TMEM74: variants seen among roughly 807,000 people sequenced by gnomAD.
The protein encoded by TMEM74 is transmembrane protein 74.
In TMEM74, 13 loss-of-function variants were observed where a neutral mutation model predicts 18.1. The ratio of observed to expected loss-of-function variants is 0.72; its 90% CI spans 0.47 to 1.14. The LOEUF is 1.14. TMEM74 is among the 50% of genes most tolerant of loss of function. The pLI is 0.00. For missense variants in TMEM74, 372 were observed against 375.9 expected (o/e 0.99, Z 0.09); for synonymous variants, 159 against 146.6 (o/e 1.08, Z -0.61).
chr8:108,617,766 G>A (rs967624197), intron 2 of TMEM74, among the ~76,000 whole-genome samples: 3 of 152,090 alleles, frequency 2.0e-5, no homozygotes, highest in Non-Finnish European at 4.4e-5. Context: ...GTCTTGGAAA[G>A]AGGAGGAAAA....
In TMEM74 at chr8:108,725,797, TATTA is replaced by T. The variant is rs370326009; in HGVS notation, n.119+61675_119+61678del. On this transcript the variant is annotated intron_variant and non_coding_transcript_variant, in intron 1 of 3. Transcript: ENST00000518838. ...AAACATGTTATAGGGGCAAAGATTA[TATTA>T]ATTAATCAGGATATGTGTTATTGCA... Among the ~76,000 whole-genome samples the T allele has an allele frequency of 1.9e-3, 294 of 152,332 alleles. 2 individuals carry two copies. The highest frequency in any genetic ancestry group is 6.3e-3 in the African/African-American group (264 of 41,588).
chr8:108,656,710 T>A (rs190400413), intron 1 of TMEM74, among the ~76,000 whole-genome samples: 4 of 152,320 alleles, frequency 2.6e-5, no homozygotes, highest in Admixed American at 2.6e-4. Context: ...AGCTTAGAAT[T>A]CCTGTGGTCA....
intron 1 of TMEM74, among the ~76,000 whole-genome samples, chr8:108,667,447 T>C (rs868223003): frequency 8.5e-5 from 13 of 152,132 alleles, no homozygotes; most frequent in African/African-American, 3.1e-4. Flanking sequence ...TTTTGATGAG[T>C]CACTCTTTTT....
At chr8:108,732,452 CAAAA>C (rs1335080052) in intron 1 of TMEM74, among the ~76,000 whole-genome samples, 1 of 151,908 alleles carries the variant, frequency 6.6e-6, no homozygotes, top group East Asian at 1.9e-4. Flanking sequence ...CTAGAATAGA[CAAAA>C]AATTGTTTAA....
chr8:108,630,980 C>A (rs1315511846), intron 2 of TMEM74, among the ~76,000 whole-genome samples: 3 of 151,954 alleles, frequency 2.0e-5, no homozygotes, highest in African/African-American at 7.2e-5. Context: ...CAGTCACATA[C>A]ACCTACACTC....
At chr8:108,659,003 T>C (rs1812874095) in intron 1 of TMEM74, among the ~76,000 whole-genome samples, 1 of 152,160 alleles carries the variant, frequency 6.6e-6, no homozygotes. Context: ...GGCTTCCACC[T>C]GCCACTATAG....
At chr8:108,751,694 CA>C (rs1813905372) in intron 1 of TMEM74, among the ~76,000 whole-genome samples, 1 of 151,632 alleles carries the variant, frequency 6.6e-6, no homozygotes. Flanking sequence ...AATAAAGAAA[CA>C]AAAAACCCCA....
chr8:108,657,842 CAAAAAAAAA>C (rs1157229913), intron 1 of TMEM74, among the ~76,000 whole-genome samples: 1 of 16,678 alleles, frequency 6.0e-5, no homozygotes, highest in East Asian at 1.9e-3. Context: ...GACACCGTCT[CAAAAAAAAA>C]AAAAAAAAAT....
chr8:108,688,579 T>C (rs984709073), intron 1 of TMEM74, among the ~76,000 whole-genome samples: 1 of 152,218 alleles, frequency 6.6e-6, no homozygotes, highest in Admixed American at 6.5e-5. Context: ...CGTATGTGAA[T>C]GGTGGGTTTT....
At chr8:108,764,018 T>A (rs1290023443) in intron 1 of TMEM74, among the ~76,000 whole-genome samples, 1 of 152,154 alleles carries the variant, frequency 6.6e-6, no homozygotes, top group Admixed American at 6.6e-5. Context: ...TTTCCTTTTG[T>A]ATCAACTCTA....
At chr8:108,738,483 A>G (rs1813769569) in intron 1 of TMEM74, among the ~76,000 whole-genome samples, 1 of 152,172 alleles carries the variant, frequency 6.6e-6, no homozygotes, top group South Asian at 2.1e-4. Flanking sequence ...CCAATATGAG[A>G]TAACTGAACT....
At chr8:108,704,417 C>A (rs1813370764) in intron 1 of TMEM74, among the ~76,000 whole-genome samples, 1 of 152,228 alleles carries the variant, frequency 6.6e-6, no homozygotes, top group African/African-American at 2.4e-5. Context: ...CGGTCTCAAG[C>A]AGTGCCTCTG....
At chr8:108,690,301 C>T (rs1375065280) in intron 1 of TMEM74, among the ~76,000 whole-genome samples, 1 of 152,024 alleles carries the variant, frequency 6.6e-6, no homozygotes, top group Non-Finnish European at 1.5e-5. Flanking sequence ...TTACATATGG[C>T]TTTAAAAAAT....
intron 1 of TMEM74, among the ~76,000 whole-genome samples, chr8:108,758,769 A>G (rs577470884): frequency 1.8e-4 from 27 of 152,240 alleles, no homozygotes; most frequent in African/African-American, 6.0e-4. Flanking sequence ...TAAAAAATGT[A>G]TAAAACAATA....
At position 108,752,624 on chromosome 8, in the gene TMEM74, C is replaced by A. The variant is rs1813914875; in HGVS notation, n.119+34852G>T. Reference sequence around the variant, plus strand: ...AACCTAATTGCATGATTTCAACCGACCTTATTGTAACTTCAAACTGATTTT... The same window carrying A: ...AACCTAATTGCATGATTTCAACCGAACTTATTGTAACTTCAAACTGATTTT... On this transcript the variant is annotated intron_variant and non_coding_transcript_variant, in intron 1 of 3. Coordinates refer to the TMEM74 transcript ENST00000518838. 2.0e-5 allele frequency among the ~76,000 whole-genome samples: 3 copies of A among 152,034 alleles called. No homozygotes were observed. In the South Asian group the frequency reaches 6.2e-4, roughly 32 times the overall value.
At chr8:108,760,766 A>G (rs1447145591) in intron 1 of TMEM74, among the ~76,000 whole-genome samples, 1 of 151,992 alleles carries the variant, frequency 6.6e-6, no homozygotes, top group African/African-American at 2.4e-5. Flanking sequence ...ATGTAACCCT[A>G]CACCATGATC....
chr8:108,613,895 T>C (rs1370700943), intron 2 of TMEM74, among the ~76,000 whole-genome samples: 2 of 152,312 alleles, frequency 1.3e-5, no homozygotes, highest in East Asian at 3.9e-4. Flanking sequence ...ACCTCATTTT[T>C]CTTAGTCTCA....
intron 1 of TMEM74, among the ~76,000 whole-genome samples, chr8:108,732,708 A>G (rs1813708225): frequency 6.6e-6 from 1 of 151,994 alleles, no homozygotes; most frequent in Non-Finnish European, 1.5e-5. Context: ...ATTATGACAT[A>G]TTCAAAAATT....
At chr8:108,647,652 A>G (rs1299798784) in intron 2 of TMEM74, among the ~76,000 whole-genome samples, 2 of 152,140 alleles carry the variant, frequency 1.3e-5, no homozygotes. Flanking sequence ...ATATTTCTTA[A>G]TACATGTATT....
Sources: allele counts gnomAD v4.1 joint callset (sites outside exome capture counted in the v4.1 genomes callset), GRCh38; gene constraint gnomAD v4.1.1; transcripts MANE v1.5; gene names NCBI Gene and HGNC (gene_info 2026-07-23, HGNC 2026-07-21).